CAMTA1: variants seen among roughly 807,000 people sequenced by gnomAD.
CAMTA1 encodes calmodulin-binding transcription activator 1.
Under a neutral mutation model 170.9 loss-of-function variants are expected in CAMTA1, and 27 were observed. That is an observed-to-expected ratio of 0.16 (90% CI 0.12 to 0.22). The LOEUF is 0.22. Ranked by LOEUF, CAMTA1 falls within the 10% of genes least tolerant of loss-of-function variation. The probability of loss-of-function intolerance (pLI) is 1.00; values close to 1 mark genes in which losing one functional copy is unlikely to be tolerated. For missense variants in CAMTA1, 1,619 were observed against 2,217.2 expected (o/e 0.73, Z 5.42); for synonymous variants, 833 against 891.5 (o/e 0.93, Z 1.17).
chr1:7,583,616 A>G (rs941840988), intron 6 of CAMTA1, among the ~76,000 whole-genome samples: 3 of 152,242 alleles, frequency 2.0e-5, no homozygotes, highest in South Asian at 2.1e-4. Context: ...CTGCCAGGAC[A>G]AAAGCCACAT....
intron 3 of CAMTA1, among the ~76,000 whole-genome samples, chr1:6,968,393 T>TA (rs2149566976): frequency 6.6e-6 from 1 of 152,272 alleles, no homozygotes; most frequent in East Asian, 1.9e-4. Flanking sequence ...ACGGTGGAGA[T>TA]ACCGCCAGAG....
At chr1:7,481,801 C>CTTT (rs34493010) in intron 6 of CAMTA1, among the ~76,000 whole-genome samples, 75,246 of 146,842 alleles carry the variant, frequency 0.51, 19,160 homozygotes, top group East Asian at 0.57. Flanking sequence ...GCATACAGTT[C>CTTT]TTTTTTTTTT....
chr1:7,233,645 C>T (rs1663249603), intron 4 of CAMTA1, among the ~76,000 whole-genome samples: 2 of 152,146 alleles, frequency 1.3e-5, no homozygotes, highest in South Asian at 4.1e-4. Flanking sequence ...GAAGCAGCAG[C>T]CAGACATGCC....
chr1:7,506,486 TA>T, intron 6 of CAMTA1, among the ~76,000 whole-genome samples: 1 of 151,852 alleles, frequency 6.6e-6, no homozygotes, highest in African/African-American at 2.4e-5. Context: ...AAATTCACAC[TA>T]ACACTTCATA....
At chr1:7,478,742 C>G (rs1347817552) in intron 6 of CAMTA1, among the ~76,000 whole-genome samples, 2 of 152,184 alleles carry the variant, frequency 1.3e-5, no homozygotes, top group African/African-American at 4.8e-5. Flanking sequence ...CCTGCCCCCT[C>G]TAAGAACATC....
intron 6 of CAMTA1, among the ~76,000 whole-genome samples, chr1:7,505,147 A>G (rs1575685788): frequency 1.3e-5 from 2 of 152,256 alleles, no homozygotes; most frequent in Middle Eastern, 6.8e-3. Context: ...CATAATATTC[A>G]CCTGGAGGCC....
intron 5 of CAMTA1, among the ~76,000 whole-genome samples, chr1:7,419,928 G>T (rs2091448983): frequency 6.6e-6 from 1 of 151,888 alleles, no homozygotes; most frequent in Non-Finnish European, 1.5e-5. Flanking sequence ...TTGCCACGCT[G>T]GACCACTCCA....
At chr1:7,393,165 A>G (rs2088918683) in intron 5 of CAMTA1, among the ~76,000 whole-genome samples, 2 of 151,634 alleles carry the variant, frequency 1.3e-5, no homozygotes, top group South Asian at 2.1e-4. Context: ...TTTGGTTTCC[A>G]TTTCCCTAAT....
At chr1:7,097,257 C>T (rs1642192657) in intron 4 of CAMTA1, among the ~76,000 whole-genome samples, 1 of 152,224 alleles carries the variant, frequency 6.6e-6, no homozygotes, top group Non-Finnish European at 1.5e-5. Flanking sequence ...CCTTTTATCT[C>T]TTCACAGCCT....
rs1673454168 is a variant in CAMTA1 at position 7,293,449 on chromosome 1, TTATA to T, written c.438+43824_438+43827del. Among the ~76,000 whole-genome samples the T allele has an allele frequency of 6.6e-6, 1 of 152,156 alleles. No individual in the cohort carries two copies. Among genetic ancestry groups the T allele is most frequent in the Non-Finnish European group, 1.5e-5 (1 of 68,020 alleles). ...GACAGAAGAGTCACAATGAGCCGATTTATAGAGTACATGGGGTGTTGTGGGGCAG... is the reference window on the plus strand; with the variant it reads ...GACAGAAGAGTCACAATGAGCCGATTGAGTACATGGGGTGTTGTGGGGCAG... On this transcript the variant is annotated intron_variant, in intron 5 of 22. Coordinates refer to ENST00000303635, the MANE Select transcript of CAMTA1 (RefSeq NM_015215.4). The surrounding 1 kb of genome is among the most constrained non-coding windows in gnomAD (Gnocchi z 4.1).
intron 6 of CAMTA1, among the ~76,000 whole-genome samples, chr1:7,543,659 C>T (rs962635483): frequency 1.3e-5 from 2 of 152,136 alleles, no homozygotes; most frequent in African/African-American, 4.8e-5. Flanking sequence ...TTGATGAATC[C>T]GAGTTTTCTG....
rs138477765 is a variant in CAMTA1 at position 6,786,450 on chromosome 1, G to C, written c.45+875G>C. The stretch of plus-strand genomic sequence containing the variant: ...CTTGGCACAGGGGTCCGTCTGATCT[G>C]CTCATCTTCTTTGGATTCTTTTGGG... On this transcript the variant is annotated intron_variant, in intron 1 of 22. Transcript: ENST00000303635. Among the ~76,000 whole-genome samples, 158 of 152,264 alleles carry C rather than the reference G, an allele frequency of 1.0e-3. 2 individuals carry two copies. The East Asian group carries it at 0.024, about 23-fold the overall frequency.
chr1:7,715,870 A>G (rs1224544315), intron 11 of CAMTA1, among the ~76,000 whole-genome samples: 2 of 152,190 alleles, frequency 1.3e-5, no homozygotes, highest in South Asian at 2.1e-4. Flanking sequence ...GCATCCTGAC[A>G]CTACTCGGAA....
chr1:7,168,638 A>C (rs1648988007), intron 4 of CAMTA1, among the ~76,000 whole-genome samples: 2 of 152,244 alleles, frequency 1.3e-5, no homozygotes, highest in Admixed American at 6.5e-5. Context: ...TCCTGACCTC[A>C]GGTGATCCAC....
rs1292310094 is a variant in CAMTA1 at position 7,745,004 on chromosome 1, C to T, written c.4352C>T (p.Pro1451Leu). 3 of 1,613,180 alleles carry T rather than the reference C, an allele frequency of 1.9e-6. No homozygotes were observed. In the East Asian group the frequency reaches 6.7e-5, roughly 36 times the overall value. ...ASYLADADCLPSAAQIRSAYN... is the reference protein window; with the variant it reads ...ASYLADADCLLSAAQIRSAYN... ...TATCTAGCGGATGCTGACTGCCTTC[C>T]CAGTGCTGCCCAGATCCGGTGAGTA... is the stretch of plus-strand genomic sequence containing the variant. The change falls in exon 17 of 23, where the codon CCC becomes CTC. Residue 1451 changes from proline (P) to leucine (L), a missense_variant. Physicochemically the swap from Pro to Leu is moderately conservative, Grantham distance 98 (BLOSUM62 -3). Coordinates refer to ENST00000303635, the MANE Select transcript of CAMTA1 (RefSeq NM_015215.4).
At chr1:6,833,263 T>C (rs972890782) in intron 3 of CAMTA1, among the ~76,000 whole-genome samples, 3 of 152,228 alleles carry the variant, frequency 2.0e-5, no homozygotes, top group African/African-American at 7.2e-5. Context: ...ACTAGTTTTA[T>C]TATACTATTA....
intron 1 of CAMTA1, among the ~76,000 whole-genome samples, chr1:6,787,936 TC>T (rs1424193752): frequency 2.0e-5 from 3 of 152,340 alleles, no homozygotes; most frequent in Admixed American, 2.0e-4. Context: ...GAATATGTTT[TC>T]CTGTGACAGA....
At chr1:7,473,323 G>A (rs992399796) in intron 6 of CAMTA1, among the ~76,000 whole-genome samples, 3 of 152,202 alleles carry the variant, frequency 2.0e-5, no homozygotes, top group Non-Finnish European at 4.4e-5. Flanking sequence ...TGGCATACTT[G>A]GCCTTTTGGC....
chr1:7,493,753 A>G (rs2093779434), intron 6 of CAMTA1, among the ~76,000 whole-genome samples: 1 of 152,120 alleles, frequency 6.6e-6, no homozygotes, highest in African/African-American at 2.4e-5. Context: ...CTGGCCACGC[A>G]TCCTACAGAA....
Sources: allele counts gnomAD v4.1 joint callset (sites outside exome capture counted in the v4.1 genomes callset), GRCh38; gene constraint gnomAD v4.1.1; non-coding constraint Gnocchi (gnomAD v3.1); transcripts MANE v1.5; gene names NCBI Gene and HGNC (gene_info 2026-07-23, HGNC 2026-07-21).